TSC22D2: variants seen among roughly 807,000 people sequenced by gnomAD.
The protein encoded by TSC22D2 is TSC22 domain family protein 2.
Under a neutral mutation model 50.1 loss-of-function variants are expected in TSC22D2, and 5 were observed. The ratio of observed to expected loss-of-function variants is 0.10; its 90% CI spans 0.05 to 0.21. TSC22D2 has a LOEUF of 0.21. Ranked by LOEUF, TSC22D2 falls within the 10% of genes least tolerant of loss-of-function variation. TSC22D2 has a pLI of 1.00. For synonymous variants in TSC22D2, 501 were observed against 450.1 expected (o/e 1.11, Z -1.43); for missense variants, 1,003 against 1,015.5 (o/e 0.99, Z 0.17).
At position 150,412,010 on chromosome 3, in the gene TSC22D2, C is replaced by G. The variant is rs184011355; in HGVS notation, c.1958+702C>G. ...AGGGAGGTTGAGATCGATCCTTTAA[C>G]TGTAGTGAAAGCTATAGTTCTTGAA... On this transcript the variant is annotated intron_variant, in intron 1 of 2. Transcript: ENST00000688009. Among the ~76,000 whole-genome samples the G allele has an allele frequency of 1.2e-3, 183 of 152,224 alleles. 1 individual carries two copies. The South Asian group carries it at 0.022, about 19-fold the overall frequency.
intron 1 of TSC22D2, among the ~76,000 whole-genome samples, chr3:150,416,022 G>T (rs919460259): frequency 6.6e-6 from 1 of 152,140 alleles, no homozygotes; most frequent in Non-Finnish European, 1.5e-5. Context: ...TAAAGGAATG[G>T]TAGTTAGGAA....
intron 1 of TSC22D2, among the ~76,000 whole-genome samples, chr3:150,434,236 C>G (rs1720467271): frequency 1.3e-5 from 2 of 151,506 alleles, no homozygotes; most frequent in East Asian, 3.9e-4. Flanking sequence ...GCAACCTCTG[C>G]CTTCTAGGTT....
At position 150,448,894 on chromosome 3, in the gene TSC22D2, AT is replaced by A. The variant is rs560138747; in HGVS notation, c.1959-8181del. 1.2e-3 allele frequency among the ~76,000 whole-genome samples: 178 copies of A among 151,202 alleles called. 1 individual carries two copies. The South Asian group carries it at 0.022, about 18-fold the overall frequency. On this transcript the variant is annotated intron_variant, in intron 1 of 2. Transcript: ENST00000688009. ...TAATCTTGTATATATATATATATAT[AT>A]AATTAGGGGATAAATTTTTAATGTA...
intron 1 of TSC22D2, among the ~76,000 whole-genome samples, chr3:150,448,169 A>G (rs1430519023): frequency 6.6e-6 from 1 of 152,170 alleles, no homozygotes; most frequent in Non-Finnish European, 1.5e-5. Flanking sequence ...ATTAAGAAAT[A>G]ATGATTTCAT....
At chr3:150,431,308 T>C (rs1307417254) in intron 1 of TSC22D2, among the ~76,000 whole-genome samples, 6 of 150,526 alleles carry the variant, frequency 4.0e-5, no homozygotes, top group Admixed American at 4.0e-4. Context: ...TTATGTTTCC[T>C]AAGAAGATTA....
chr3:150,445,590 A>G (rs1210666057), intron 1 of TSC22D2, among the ~76,000 whole-genome samples: 5 of 152,132 alleles, frequency 3.3e-5, no homozygotes, highest in African/African-American at 9.7e-5. Flanking sequence ...TTCCCAAGAT[A>G]CACTGGGAAA....
At chr3:150,457,430 A>T (rs1232007823) in intron 2 of TSC22D2, among the ~76,000 whole-genome samples, 4 of 152,188 alleles carry the variant, frequency 2.6e-5, no homozygotes, top group African/African-American at 9.6e-5. Flanking sequence ...TTCAGCATTG[A>T]AAATACTTTA....
At chr3:150,430,001 A>G (rs960758143) in intron 1 of TSC22D2, among the ~76,000 whole-genome samples, 15 of 152,198 alleles carry the variant, frequency 9.9e-5, no homozygotes, top group East Asian at 3.8e-4. Context: ...ATTAAATACT[A>G]GAAGAAACAA....
chr3:150,441,927 T>TA (rs1442896771), intron 1 of TSC22D2, among the ~76,000 whole-genome samples: 1 of 152,220 alleles, frequency 6.6e-6, no homozygotes, highest in Non-Finnish European at 1.5e-5. Context: ...CATCTCTCCT[T>TA]ACATTCAAAC....
rs1261105455 is a variant in TSC22D2, at chr3:150,459,606, T to C, written c.*970T>C. On this transcript the variant is annotated 3_prime_UTR_variant, in exon 3 of 3. Transcript: ENST00000688009. ...TTTTTGTCTTTTTTTTTTTTTATAA[T>C]GCACATTCTTTATGTATTTTTATTT... The C allele has an allele frequency of 1.4e-5, 2 of 146,926 alleles. No individual in the cohort carries two copies. The highest frequency in any genetic ancestry group is 1.4e-4 in the Admixed American group (2 of 14,740). 9.1% of individuals were successfully genotyped at this position (146,926 alleles called of 1,614,324 possible).
In TSC22D2 at chr3:150,415,515, G is replaced by A. The variant is rs559753660; in HGVS notation, c.1958+4207G>A. Among the ~76,000 whole-genome samples, 409 of 152,320 alleles carry A rather than the reference G, an allele frequency of 2.7e-3. 1 individual carries two copies. The highest frequency in any genetic ancestry group is 9.3e-3 in the African/African-American group (387 of 41,552). ...GAATAAATATAATGCCAATTCATTT[G>A]TTATTTAAGAATCCTGGGCCAGGAG... On this transcript the variant is annotated intron_variant, in intron 1 of 2. Coordinates refer to ENST00000688009, the MANE Select transcript of TSC22D2 (RefSeq NM_001303264.2).
Position 150,462,639 on chromosome 3 carries a change from C to CTT in TSC22D2, c.*4017_*4018dup, listed in dbSNP as rs59588626. On this transcript the variant is annotated 3_prime_UTR_variant, in exon 3 of 3. Coordinates refer to ENST00000688009, the MANE Select transcript of TSC22D2 (RefSeq NM_001303264.2). ...TGCCTATTTTCTTTTTTTCTTTTTT[C>CTT]TTTTTTTTTTTTTTTGAGACAGAGT... 50,995 of 132,534 alleles carry CTT rather than the reference C, an allele frequency of 0.38. 10,469 individuals carry two copies. Among genetic ancestry groups the CTT allele is most frequent in the Middle Eastern group, 0.52 (130 of 252 alleles). The allele number at this position is 132,534 out of a possible 1,614,324, so 8.2% of individuals were successfully genotyped here.
intron 2 of TSC22D2, 59 bp downstream of exon 2, chr3:150,457,186 G>A (rs367769290): frequency 2.4e-4 from 352 of 1,471,310 alleles, no homozygotes; most frequent in Non-Finnish European, 3.1e-4. Context: ...GGAACACTTA[G>A]CTTTTGTCAG....
chr3:150,456,996 C>CA, intron 1 of TSC22D2, 80 bp from the exon 2 acceptor site: 2 of 1,301,072 alleles, frequency 1.5e-6, no homozygotes, highest in Non-Finnish European at 2.2e-6. Context: ...AAGTGAAACA[C>CA]AAATGTCTTT....
rs1475295286 is a variant in TSC22D2 at position 150,410,390 on chromosome 3, G to A, written c.1040G>A (p.Gly347Asp). Residue 347 changes from glycine to aspartate, a missense_variant, in exon 1 of 3, where the codon GGC (glycine) becomes GAC (aspartate). This residue lies in a region of TSC22D2 where 696 missense variants were observed against 647.8 expected (regional missense o/e 1.07). Coordinates refer to ENST00000688009, the MANE Select transcript of TSC22D2 (RefSeq NM_001303264.2). ...SLPPQPGPAV[G>D]APAAQQPQQF... ...CCTCCGCAGCCGGGCCCTGCAGTGG[G>A]CGCCCCCGCGGCGCAGCAGCCCCAG... is the stretch of plus-strand genomic sequence containing the variant. 3 of 1,606,468 alleles carry A rather than the reference G, an allele frequency of 1.9e-6. No individual in the cohort carries two copies. In the East Asian group the frequency reaches 6.7e-5, roughly 36 times the overall value.
rs1720072266 is a variant in TSC22D2, at chr3:150,423,203, C to CTGATCTT, written c.1958+11898_1958+11904dup. The CTGATCTT allele has an allele frequency of 5.0e-6, 5 of 1,001,768 alleles. No individual in the cohort carries two copies. In the South Asian group the frequency reaches 9.2e-5, roughly 18 times the overall value. The allele number at this position is 1,001,768 out of a possible 1,614,324, so 62.1% of individuals were successfully genotyped here. A position where few individuals can be genotyped will look rare whatever the true frequency, so the allele number is the denominator to read the frequency against. Reference sequence around the variant, plus strand: ...GCACTGTACTGGTTTCTCATTAAAACTGATCTTTGTTATTTTAGGGGGGAA... The same window carrying CTGATCTT: ...GCACTGTACTGGTTTCTCATTAAAACTGATCTTTGATCTTTGTTATTTTAGGGGGGAA... On this transcript the variant is annotated intron_variant, in intron 1 of 2. Coordinates refer to ENST00000688009, the MANE Select transcript of TSC22D2 (RefSeq NM_001303264.2).
rs150701619 is a variant in TSC22D2 at position 150,455,581 on chromosome 3, GT to G, written c.1959-1491del. Reference sequence around the variant, plus strand: ...ATTGAGGCATTGACATCAACCCCTTGTTTTACAGATGGGGAAACTCAGATCC... The same window carrying G: ...ATTGAGGCATTGACATCAACCCCTTGTTTACAGATGGGGAAACTCAGATCC... On this transcript the variant is annotated intron_variant, in intron 1 of 2. Transcript: ENST00000688009. Among the ~76,000 whole-genome samples the G allele has an allele frequency of 6.6e-5, 10 of 152,268 alleles. No individual in the cohort carries two copies. The East Asian group carries it at 1.9e-3, about 29-fold the overall frequency.
chr3:150,441,947 C>A (rs1268361767), intron 1 of TSC22D2, among the ~76,000 whole-genome samples: 1 of 152,154 alleles, frequency 6.6e-6, no homozygotes, highest in East Asian at 1.9e-4. Flanking sequence ...CTTACCTGAT[C>A]TCTCATAGCT....
At chr3:150,448,086 G>C (rs1720938144) in intron 1 of TSC22D2, among the ~76,000 whole-genome samples, 1 of 152,054 alleles carries the variant, frequency 6.6e-6, no homozygotes, top group Admixed American at 6.5e-5. Flanking sequence ...CCTTTCTCCT[G>C]TCCTTTCTTA....
Sources: gnomAD v4.1 joint callset for allele counts (sites outside exome capture counted in the v4.1 genomes callset) on GRCh38, gnomAD v4.1.1 for gene constraint, gnomAD v4.1.1 regional missense constraint, MANE v1.5 for transcripts, NCBI Gene and HGNC (gene_info 2026-07-23, HGNC 2026-07-21) for gene names.